PTH2R: variants seen among roughly 807,000 people sequenced by gnomAD.
The protein encoded by PTH2R is PTH2 receptor.
A neutral mutation model predicts 60.3 loss-of-function variants in PTH2R; 59 were observed. That is an observed-to-expected ratio of 0.98 (90% CI 0.79 to 1.22). The LOEUF is 1.22. PTH2R is among the 50% of genes most tolerant of loss of function. The pLI, the probability that PTH2R is intolerant of heterozygous loss-of-function variation, is 0.00. For synonymous variants in PTH2R, 256 were observed against 243.8 expected, an observed-to-expected ratio of 1.05 and a Z score of -0.47; for missense variants, 749 against 682.6, an observed-to-expected ratio of 1.10 and a Z score of -1.08.
chr2:208,409,298 T>C (rs1433096111), intron 1 of PTH2R, among the ~76,000 whole-genome samples: 1 of 152,212 alleles, frequency 6.6e-6, no homozygotes, highest in Admixed American at 6.5e-5. Context: ...TAAGATTCTT[T>C]TAATTCTATA....
At position 208,449,132 on chromosome 2, in the gene PTH2R, A is replaced by G. The variant is rs79539831; in HGVS notation, c.854-1617A>G. Among the ~76,000 whole-genome samples, 1,257 of 152,300 alleles carry G rather than the reference A, an allele frequency of 8.3e-3. 18 individuals carry two copies. Among genetic ancestry groups the G allele is most frequent in the African/African-American group, 0.028 (1,180 of 41,580 alleles). ...CAGACACTTTTTGAAGACAACCAAG[A>G]TAGAACAGCTGAGGGATCTATGTCA... On this transcript the variant is annotated intron_variant, in intron 7 of 12. Coordinates refer to ENST00000272847, the MANE Select transcript of PTH2R (RefSeq NM_005048.4).
upstream of PTH2R, among the ~76,000 whole-genome samples, chr2:208,402,062 T>C (rs1701320323): frequency 6.6e-6 from 1 of 152,210 alleles, no homozygotes; most frequent in South Asian, 2.1e-4. Context: ...AGCCAGGCTT[T>C]GAGGGACCCC....
intron 8 of PTH2R, among the ~76,000 whole-genome samples, chr2:208,457,500 T>C (rs192239735): frequency 5.9e-5 from 9 of 152,336 alleles, no homozygotes; most frequent in African/African-American, 1.7e-4. Context: ...CTGAGCTCTA[T>C]TGGTACAGAT....
chr2:208,477,872 TA>T (rs1364635484), intron 9 of PTH2R, among the ~76,000 whole-genome samples: 4 of 149,834 alleles, frequency 2.7e-5, no homozygotes, highest in African/African-American at 7.3e-5. Flanking sequence ...TGTCTTAATT[TA>T]AAAAAATTAC....
intron 9 of PTH2R, among the ~76,000 whole-genome samples, chr2:208,465,332 C>G (rs10175430): frequency 0.55 from 81,243 of 147,150 alleles, 24,305 homozygotes; most frequent in Admixed American, 0.66. Context: ...ATTTGGATTT[C>G]CCTGATAATT....
intron 9 of PTH2R, among the ~76,000 whole-genome samples, chr2:208,461,774 C>T (rs1034381207): frequency 2.0e-5 from 3 of 152,174 alleles, no homozygotes; most frequent in Admixed American, 1.3e-4. Context: ...GTTTACAGAT[C>T]TAAGTCACTC....
chr2:208,398,754 T>G (rs1240017161), intron 1 of PTH2R, among the ~76,000 whole-genome samples: 2 of 152,338 alleles, frequency 1.3e-5, no homozygotes, highest in South Asian at 2.1e-4. Context: ...TGTTTGAATC[T>G]TAAGGCAGAA....
At chr2:208,435,951 G>T (rs1389413793) in intron 2 of PTH2R, among the ~76,000 whole-genome samples, 1 of 152,208 alleles carries the variant, frequency 6.6e-6, no homozygotes, top group African/African-American at 2.4e-5. Context: ...TAATTTGGCT[G>T]ACAGGCTGTC....
Position 208,431,290 on chromosome 2 carries a change from A to G in PTH2R, c.178+2987A>G, listed in dbSNP as rs113531588. 6.2e-3 allele frequency among the ~76,000 whole-genome samples: 937 copies of G among 152,188 alleles called. 10 individuals are homozygous for G. The highest frequency in any genetic ancestry group is 0.021 in the African/African-American group (873 of 41,506). On this transcript the variant is annotated intron_variant, in intron 2 of 12. Transcript: ENST00000272847. ...ATTTTGATAGTCTCTTGCTCCTTCA[A>G]TATTCTTTCAAATCTCTTCTTTTTT...
At position 208,442,433 on chromosome 2, in the gene PTH2R, G is replaced by A. The variant is rs925637556; in HGVS notation, c.481G>A (p.Val161Met). ...GYSISFGSLA[V>M]AILIIGYFRR... Reference sequence around the variant, plus strand: ...CTCCATCTCTTTTGGTTCCTTGGCTGTGGCTATTCTCATCATTGGTTACTT... The same window carrying A: ...CTCCATCTCTTTTGGTTCCTTGGCTATGGCTATTCTCATCATTGGTTACTT... Residue 161 changes from valine (V) to methionine (M), a missense_variant, in exon 5 of 13, where the codon GTG (valine) becomes ATG (methionine). Coordinates refer to ENST00000272847, the MANE Select transcript of PTH2R (RefSeq NM_005048.4). The A allele has an allele frequency of 6.2e-6, 10 of 1,612,076 alleles. No individual in the cohort carries two copies. The highest frequency in any genetic ancestry group is 1.3e-5 in the African/African-American group (1 of 74,854).
At chr2:208,470,698 A>G (rs1259008905) in intron 9 of PTH2R, among the ~76,000 whole-genome samples, 1 of 152,152 alleles carries the variant, frequency 6.6e-6, no homozygotes, top group African/African-American at 2.4e-5. Flanking sequence ...ATGAAAACAG[A>G]CTAATAAAGT....
intron 12 of PTH2R, among the ~76,000 whole-genome samples, chr2:208,491,569 G>A (rs1341612018): frequency 1.3e-5 from 2 of 152,104 alleles, no homozygotes; most frequent in Admixed American, 6.5e-5. Flanking sequence ...CTTATCACAG[G>A]CTTGGACTGC....
chr2:208,397,565 G>A (rs1701234865), intron 1 of PTH2R, among the ~76,000 whole-genome samples: 1 of 152,182 alleles, frequency 6.6e-6, no homozygotes, highest in South Asian at 2.1e-4. Context: ...CCTCTGTACA[G>A]AGATAGAGGT....
At chr2:208,394,228 G>A (rs1159217664) in intron 1 of PTH2R, among the ~76,000 whole-genome samples, 1 of 152,202 alleles carries the variant, frequency 6.6e-6, no homozygotes, top group Non-Finnish European at 1.5e-5. Flanking sequence ...AGTAAGAAGG[G>A]CATGCCCTTG....
chr2:208,389,425 T>G (rs545819328), intron 1 of PTH2R, among the ~76,000 whole-genome samples: 1 of 152,370 alleles, frequency 6.6e-6, no homozygotes, highest in East Asian at 1.9e-4. Context: ...CTGCCAGTTA[T>G]ATTTGCAGAC....
intron 7 of PTH2R, 135 bp downstream of exon 7, chr2:208,445,022 A>G: frequency 1.1e-6 from 1 of 939,298 alleles, no homozygotes; most frequent in Non-Finnish European, 1.6e-6. Context: ...TCTCCCTTTT[A>G]TTGTTCTATT....
intron 2 of PTH2R, among the ~76,000 whole-genome samples, chr2:208,432,710 AGC>A: frequency 6.6e-6 from 1 of 152,186 alleles, no homozygotes; most frequent in African/African-American, 2.4e-5. Context: ...AATACCTGAG[AGC>A]CCCCAGCAAA....
intron 8 of PTH2R, among the ~76,000 whole-genome samples, chr2:208,457,518 G>C (rs754690639): frequency 2.6e-5 from 4 of 152,152 alleles, no homozygotes; most frequent in Non-Finnish European, 4.4e-5. Flanking sequence ...GATATGCAAA[G>C]AAATAAAACA....
intron 9 of PTH2R, chr2:208,466,448 T>G (rs1296975767): frequency 1.3e-5 from 2 of 152,300 alleles, no homozygotes; most frequent in Non-Finnish European, 2.9e-5. Flanking sequence ...GGAGAAAAGT[T>G]TATGGATTAG....
Sources: allele counts gnomAD v4.1 joint callset (sites outside exome capture counted in the v4.1 genomes callset), GRCh38; gene constraint gnomAD v4.1.1; transcripts MANE v1.5; gene names NCBI Gene and HGNC (gene_info 2026-07-23, HGNC 2026-07-21).